TIAM2: variants seen among roughly 807,000 people sequenced by gnomAD.
The protein encoded by TIAM2 is TIAM Rac1 associated GEF 2, also known as rho guanine nucleotide exchange factor TIAM2.
A neutral mutation model predicts 152.9 loss-of-function variants in TIAM2; 80 were observed. The ratio of observed to expected loss-of-function variants is 0.52; its 90% CI spans 0.44 to 0.63. TIAM2 has a LOEUF of 0.63. Among genes scored for constraint, TIAM2 ranks in the 30% least tolerant of loss-of-function variants. The pLI, the probability that TIAM2 is intolerant of heterozygous loss-of-function variation, is 0.00. For missense variants in TIAM2, 1,965 were observed against 2,120.1 expected, an observed-to-expected ratio of 0.93 and a Z score of 1.44; for synonymous variants, 804 against 838.0, an observed-to-expected ratio of 0.96 and a Z score of 0.70.
intron 1 of TIAM2, among the ~76,000 whole-genome samples, chr6:155,015,412 A>T (rs1415227415): frequency 6.6e-6 from 1 of 152,132 alleles, no homozygotes; most frequent in Non-Finnish European, 1.5e-5. Context: ...TGGGCTGGGT[A>T]TGTAGATTCA....
intron 2 of TIAM2, among the ~76,000 whole-genome samples, chr6:155,097,557 C>T (rs1326399412): frequency 2.0e-5 from 3 of 152,106 alleles, no homozygotes; most frequent in Non-Finnish European, 2.9e-5. Context: ...CCCAGGCTGG[C>T]CTCACACACC....
intron 1 of TIAM2, among the ~76,000 whole-genome samples, chr6:155,056,956 A>G (rs770599955): frequency 5.5e-5 from 8 of 144,458 alleles, no homozygotes; most frequent in Non-Finnish European, 1.2e-4. Flanking sequence ...GTTTTTGATG[A>G]CTGTGACAGT....
chr6:155,096,432 T>G (rs2114987092), intron 2 of TIAM2, among the ~76,000 whole-genome samples: 1 of 152,354 alleles, frequency 6.6e-6, no homozygotes, highest in African/African-American at 2.4e-5. Context: ...TCTACTGATC[T>G]AACACTAGGT....
chr6:155,024,246 A>G (rs1776556287), intron 1 of TIAM2, among the ~76,000 whole-genome samples: 1 of 152,226 alleles, frequency 6.6e-6, no homozygotes, highest in Admixed American at 6.5e-5. Context: ...AATGAATTCT[A>G]TATCTGCTTT....
intron 14 of TIAM2, among the ~76,000 whole-genome samples, chr6:155,202,253 CTGA>C (rs2115189347): frequency 6.6e-6 from 1 of 152,224 alleles, no homozygotes; most frequent in African/African-American, 2.4e-5. Flanking sequence ...CTTTCACTGA[CTGA>C]TGATCAGAAA....
rs1249918149 is a variant in TIAM2, at chr6:155,029,508, A to C, written c.-209+34016A>C. Among the ~76,000 whole-genome samples the C allele has an allele frequency of 1.2e-3, 29 of 24,642 alleles. 2 individuals are homozygous for C. The highest frequency in any genetic ancestry group is 2.0e-3 in the African/African-American group (12 of 5,870). The allele number at this position is 24,642 out of a possible 152,430, so 16.2% of individuals were successfully genotyped here. A position where few individuals can be genotyped will look rare whatever the true frequency, so the allele number is the denominator to read the frequency against. Reference sequence around the variant, plus strand: ...TACTATAGTATATATTATATATAATATATACTATATATTATAGTATAGATA... The same window carrying C: ...TACTATAGTATATATTATATATAATCTATACTATATATTATAGTATAGATA... On this transcript the variant is annotated intron_variant, in intron 1 of 26. Transcript: ENST00000682666.
intron 1 of TIAM2, among the ~76,000 whole-genome samples, chr6:155,056,408 G>C (rs2114931506): frequency 1.3e-5 from 2 of 152,184 alleles, no homozygotes; most frequent in East Asian, 3.9e-4. Context: ...CTGGTCTCAA[G>C]TGATCCGCCT....
At chr6:155,017,188 A>G (rs551215387) in intron 1 of TIAM2, among the ~76,000 whole-genome samples, 1 of 152,146 alleles carries the variant, frequency 6.6e-6, no homozygotes, top group African/African-American at 2.4e-5. Context: ...AGGAGCAGGG[A>G]TGGAATGATG....
At chr6:155,220,439 G>A (rs536525758) in intron 15 of TIAM2, among the ~76,000 whole-genome samples, 1 of 152,340 alleles carries the variant, frequency 6.6e-6, no homozygotes, top group African/African-American at 2.4e-5. Flanking sequence ...GGGCTGCACA[G>A]TAAGAACCCC....
chr6:155,065,048 C>T (rs976471333), intron 1 of TIAM2, among the ~76,000 whole-genome samples: 2 of 152,128 alleles, frequency 1.3e-5, no homozygotes, highest in East Asian at 1.9e-4. Context: ...CTCCACCTCC[C>T]GGTTTCAAGG....
intron 1 of TIAM2, among the ~76,000 whole-genome samples, chr6:155,055,075 C>T (rs1030439112): frequency 4.6e-5 from 7 of 152,102 alleles, no homozygotes; most frequent in African/African-American, 1.7e-4. Flanking sequence ...GGAGCCATTT[C>T]CTTCACTTGG....
At position 155,137,338 on chromosome 6, in the gene TIAM2, TC is replaced by T; in HGVS notation, c.1360del (p.Leu454SerfsTer15). On this transcript the variant is annotated frameshift_variant, in exon 5 of 27. Transcript: ENST00000682666. LOFTEE classifies it high-confidence loss of function. ...AATCCACACATGCGATTGGCAGCGATCCCCTCCGGCAGAACATTTATGAGAA... is the reference window on the plus strand; with the variant it reads ...AATCCACACATGCGATTGGCAGCGATCCCTCCGGCAGAACATTTATGAGAA... ...SESTHAIGSD[P>X]LRQNIYENFM... 6.2e-7 allele frequency: 1 copy of T among 1,614,168 alleles called. No homozygotes were observed. Among genetic ancestry groups the T allele is most frequent in the East Asian group, 2.2e-5 (1 of 44,878 alleles).
At chr6:155,128,907 C>T (rs139924975) in intron 3 of TIAM2, among the ~76,000 whole-genome samples, 4 of 152,198 alleles carry the variant, frequency 2.6e-5, no homozygotes, top group African/African-American at 9.6e-5. Flanking sequence ...TCTCTCAACA[C>T]CAAGCCTGAA....
rs115731898 is a variant in TIAM2, at chr6:155,047,241, C to T, written c.-208-43048C>T. On this transcript the variant is annotated intron_variant, in intron 1 of 26. Coordinates refer to ENST00000682666, the MANE Select transcript of TIAM2 (RefSeq NM_012454.4). ...CCAGGCTGTATGTAGTGCAGTGGCA[C>T]GATCTTAGCTCACAGCAACCTCCAC... Among the ~76,000 whole-genome samples, 534 of 152,294 alleles carry T rather than the reference C, an allele frequency of 3.5e-3. 3 individuals carry two copies. The highest frequency in any genetic ancestry group is 0.012 in the African/African-American group (491 of 41,562).
chr6:155,199,280 G>C (rs57396181), intron 14 of TIAM2, among the ~76,000 whole-genome samples: 11,538 of 152,060 alleles, frequency 0.076, 803 homozygotes, highest in Admixed American at 0.2. Context: ...GTTTCACCAT[G>C]TTGGCCAGGC....
intron 16 of TIAM2, 46 bp downstream of exon 16, chr6:155,240,755 G>A (rs1475014212): frequency 1.3e-6 from 2 of 1,568,044 alleles, no homozygotes; most frequent in Non-Finnish European, 1.7e-6. Flanking sequence ...CTTTGATGAT[G>A]GCAAGTGGTA....
chr6:155,165,223 C>T (rs1229229941), intron 8 of TIAM2, 40 bp from the exon 9 acceptor site: 6 of 1,575,076 alleles, frequency 3.8e-6, no homozygotes, highest in Non-Finnish European at 5.2e-6. Flanking sequence ...CACTCAAATA[C>T]TAAGCCTTTA....
chr6:155,199,468 A>G (rs951967752), intron 14 of TIAM2, among the ~76,000 whole-genome samples: 2 of 152,176 alleles, frequency 1.3e-5, no homozygotes, highest in African/African-American at 4.8e-5. Context: ...GTAAAAGACT[A>G]TGGGTCTCAA....
intron 1 of TIAM2, among the ~76,000 whole-genome samples, chr6:155,064,809 C>A (rs922695238): frequency 6.6e-6 from 1 of 152,096 alleles, no homozygotes; most frequent in East Asian, 1.9e-4. Context: ...CATCTCATCT[C>A]TCTCCCTTTC....
Sources: gnomAD v4.1 joint callset for allele counts (sites outside exome capture counted in the v4.1 genomes callset) on GRCh38, gnomAD v4.1.1 for gene constraint, MANE v1.5 for transcripts, NCBI Gene and HGNC (gene_info 2026-07-23, HGNC 2026-07-21) for gene names.